Variants in GPR173 observed in about 807,000 individuals in gnomAD.
The protein encoded by GPR173 is probable G protein-coupled receptor 173.
A neutral mutation model predicts 13.9 loss-of-function variants in GPR173; 2 were observed. The ratio of observed to expected loss-of-function variants is 0.14; its 90% CI spans 0.06 to 0.45. The LOEUF is 0.45. GPR173 is among the 20% of genes least tolerant of loss of function. GPR173 has a pLI of 0.98. For missense variants in GPR173, 202 were observed against 340.5 expected (o/e 0.59, Z 3.20); for synonymous variants, 131 against 141.0 (o/e 0.93, Z 0.50).
intron 1 of GPR173, among the ~76,000 whole-genome samples, chrX:53,070,041 G>T (rs1197815885): frequency 9.0e-6 from 1 of 111,018 alleles, no homozygotes; most frequent in Non-Finnish European, 1.9e-5. Flanking sequence ...ACATGGTAGG[G>T]TTCAAGTGCG....
chrX:53,054,607 GGTT>G (rs1207816470), intron 1 of GPR173, among the ~76,000 whole-genome samples: 1 of 109,665 alleles, frequency 9.1e-6, no homozygotes, highest in African/African-American at 3.3e-5. Context: ...GGGTGAGTGT[GGTT>G]GTATGTAAAG....
rs782522467 is a variant in GPR173, at chrX:53,061,519, C to T, written c.-98+12035C>T. 4.5e-5 allele frequency among the ~76,000 whole-genome samples: 5 copies of T among 111,383 alleles called. No individual in the cohort carries two copies. The East Asian group carries it at 1.4e-3, about 31-fold the overall frequency. ...CTAGATGTAAATGTGTTAGGGCATT[C>T]ACAACCTGGGACACAGAGAAAGTGA... is the stretch of plus-strand genomic sequence containing the variant. On this transcript the variant is annotated intron_variant, in intron 1 of 1. Coordinates refer to ENST00000332582, the MANE Select transcript of GPR173 (RefSeq NM_018969.6).
At chrX:53,065,657 G>A (rs1393229200) in intron 1 of GPR173, 2 of 112,305 alleles carry the variant, frequency 1.8e-5, no homozygotes, top group African/African-American at 6.5e-5. Flanking sequence ...AATGGTCAAA[G>A]AGTATTTTTT....
At chrX:53,069,218 CCA>C (rs1236835238) in intron 1 of GPR173, among the ~76,000 whole-genome samples, 2 of 106,711 alleles carry the variant, frequency 1.9e-5, no homozygotes, top group East Asian at 5.8e-4. Flanking sequence ...CCTCAGCCTC[CCA>C]CAGTGTTAGG....
In GPR173 at chrX:53,079,077, G is replaced by A. The variant is rs1170025346; in HGVS notation, c.*1334G>A. 1 of 122,884 alleles carries A rather than the reference G, an allele frequency of 8.1e-6. No individual in the cohort carries two copies. The highest frequency in any genetic ancestry group is 1.9e-5 in the Non-Finnish European group (1 of 53,119). The allele number at this position is 122,884 out of a possible 1,213,427, so 10.1% of individuals were successfully genotyped here. ...CCTCCCAGGGGTGGAGTCCACTCTG[G>A]GCTTACTTTGAGGCCTGTTCTGTGG... On this transcript the variant is annotated 3_prime_UTR_variant, in exon 2 of 2. Transcript: ENST00000332582.
At chrX:53,052,591 CCACA>C (rs201501286) in intron 1 of GPR173, among the ~76,000 whole-genome samples, 4 of 101,860 alleles carry the variant, frequency 3.9e-5, no homozygotes, top group Non-Finnish European at 7.9e-5. Flanking sequence ...ACACATCTGT[CCACA>C]CACACACGTG....
chrX:53,060,580 C>CA (rs111798225), intron 1 of GPR173, among the ~76,000 whole-genome samples: 67 of 61,489 alleles, frequency 1.1e-3, no homozygotes, highest in Admixed American at 2.3e-3. Context: ...GACTCCGTCT[C>CA]AAAAAAAAAA....
At position 53,072,729 on chromosome X, in the gene GPR173, AAG is replaced by A. The variant is rs782798240; in HGVS notation, c.-97-3784_-97-3783del. On this transcript the variant is annotated intron_variant, in intron 1 of 1. Transcript: ENST00000332582. ...TCAAGGTAAAGGAGAGAGAAAGAGA[AAG>A]AGAGAGAGAGAAAGAGAGTAAGTGT... Among the ~76,000 whole-genome samples, 199 of 110,759 alleles carry A rather than the reference AAG, an allele frequency of 1.8e-3. 1 individual carries two copies. Among genetic ancestry groups the A allele is most frequent in the Admixed American group, 6.5e-3 (67 of 10,246 alleles).
rs1932434581 is a variant in GPR173 at position 53,076,539 on chromosome X, G to T, written c.-83G>T. The T allele has an allele frequency of 1.7e-5, 13 of 751,083 alleles. No individual in the cohort carries two copies. Among genetic ancestry groups the T allele is most frequent in the Non-Finnish European group, 2.5e-5 (13 of 520,425 alleles). The allele number at this position is 751,083 out of a possible 1,213,427, so 61.9% of individuals were successfully genotyped here. On this transcript the variant is annotated 5_prime_UTR_variant, in exon 2 of 2. Coordinates refer to ENST00000332582, the MANE Select transcript of GPR173 (RefSeq NM_018969.6). ...CCCATTTGCAGGTGCAATGTAGCAG[G>T]ACAACTCATGGAGCCCCCCCGGGCC...
At chrX:53,066,548 G>A (rs1294937579) in intron 1 of GPR173, among the ~76,000 whole-genome samples, 6 of 109,891 alleles carry the variant, frequency 5.5e-5, no homozygotes, top group South Asian at 3.9e-4. Flanking sequence ...TGCGCCTGTA[G>A]TCCCAGCTAC....
At chrX:53,073,236 A>C (rs1932288997) in intron 1 of GPR173, among the ~76,000 whole-genome samples, 1 of 108,504 alleles carries the variant, frequency 9.2e-6, no homozygotes. Flanking sequence ...AAAAAAAAAA[A>C]AGGCCGGGCA....
chrX:53,053,324 T>C (rs1931988571), intron 1 of GPR173, among the ~76,000 whole-genome samples: 1 of 112,726 alleles, frequency 8.9e-6, no homozygotes, highest in Non-Finnish European at 1.9e-5. Flanking sequence ...TGTGCACACA[T>C]TTGGGAGCTT....
intron 1 of GPR173, among the ~76,000 whole-genome samples, chrX:53,069,272 T>TA (rs782701038): frequency 0.024 from 2,210 of 91,530 alleles, 40 homozygotes; most frequent in African/African-American, 0.061. Context: ...CCTTTTCTCT[T>TA]AAAAAAAAAA....
chrX:53,073,625 T>C (rs1429640418), intron 1 of GPR173, among the ~76,000 whole-genome samples: 2 of 106,416 alleles, frequency 1.9e-5, no homozygotes, highest in Non-Finnish European at 3.8e-5. Context: ...TCATTTGATA[T>C]ATTGTCACTG....
chrX:53,050,316 C>A (rs2146669852), intron 1 of GPR173, among the ~76,000 whole-genome samples: 1 of 111,797 alleles, frequency 8.9e-6, no homozygotes, highest in Admixed American at 9.4e-5. Flanking sequence ...CAGTGTGGGA[C>A]CCAGCCTCCA....
intron 1 of GPR173, among the ~76,000 whole-genome samples, chrX:53,058,918 G>A (rs1318440730): frequency 3.2e-5 from 3 of 93,497 alleles, no homozygotes; most frequent in Admixed American, 1.1e-4. Flanking sequence ...TTTTTTTTTC[G>A]TAGAAGAAAG....
At chrX:53,066,922 T>C (rs1932191531) in intron 1 of GPR173, among the ~76,000 whole-genome samples, 1 of 111,414 alleles carries the variant, frequency 9.0e-6, no homozygotes, top group Non-Finnish European at 1.9e-5. Flanking sequence ...TGAGGGCTCC[T>C]CAGTAAATGA....
intron 1 of GPR173, among the ~76,000 whole-genome samples, chrX:53,072,610 C>G (rs782175000): frequency 9.1e-6 from 1 of 110,243 alleles, no homozygotes. Context: ...CTCTGTCACA[C>G]ACACCTCTCT....
chrX:53,077,953 G>C lies in GPR173; in HGVS notation c.*210G>C. The C allele has an allele frequency of 2.4e-6, 1 of 419,498 alleles. No individual in the cohort carries two copies. Among genetic ancestry groups the C allele is most frequent in the Non-Finnish European group, 4.2e-6 (1 of 236,068 alleles). 34.6% of individuals were successfully genotyped at this position (419,498 alleles called of 1,213,427 possible). A position where few individuals can be genotyped will look rare whatever the true frequency, so the allele number is the denominator to read the frequency against. ...CTGGGAAAGAGGCATATTTAGTTTTGTGGGGCCTGTCTCCGCTGCCTCCTT... is the reference window on the plus strand; with the variant it reads ...CTGGGAAAGAGGCATATTTAGTTTTCTGGGGCCTGTCTCCGCTGCCTCCTT... On this transcript the variant is annotated 3_prime_UTR_variant, in exon 2 of 2. Coordinates refer to ENST00000332582, the MANE Select transcript of GPR173 (RefSeq NM_018969.6).
Sources: gnomAD v4.1 joint callset for allele counts (sites outside exome capture counted in the v4.1 genomes callset) on GRCh38, gnomAD v4.1.1 for gene constraint, MANE v1.5 for transcripts, NCBI Gene and HGNC (gene_info 2026-07-23, HGNC 2026-07-21) for gene names.